Variants in H3C10 observed in about 807,000 individuals in gnomAD.
H3C10 encodes the protein H3 clustered histone 10, also known as histone H3.1.
H3C10 carries 8 observed loss-of-function variants against 6.8 expected under a neutral mutation model. The observed-to-expected ratio is 1.17, with a 90% CI of 0.69 to 2.12. H3C10 has a LOEUF of 2.12. Ranked by LOEUF, H3C10 falls within the 30% of genes most tolerant of loss-of-function variation. The pLI, the probability that H3C10 is intolerant of heterozygous loss-of-function variation, is 0.00. For missense variants in H3C10, 163 were observed against 195.3 expected (o/e 0.83, Z 0.98); for synonymous variants, 122 against 81.3 (o/e 1.50, Z -2.69).
chr6:27,810,506 C>T lies in H3C10; in HGVS notation c.*22C>T, dbSNP rs372706650. 4.4e-6 allele frequency: 7 copies of T among 1,607,268 alleles called. No individual in the cohort carries two copies. In the African/African-American group the frequency reaches 6.7e-5, roughly 15 times the overall value. On this transcript the variant is annotated 3_prime_UTR_variant, in exon 1 of 1. Coordinates refer to ENST00000685041, the MANE Select transcript of H3C10 (RefSeq NM_003536.3). ...TTGAGTCTCAAGGACTCACTGATTA[C>T]ATACCCAAAGGCTCTTTTCAGAGCC...
rs764631798 is a variant in H3C10 at position 27,810,170 on chromosome 6, A to T, written c.97A>T (p.Thr33Ser). 1.2e-6 allele frequency: 2 copies of T among 1,614,150 alleles called. No homozygotes were observed. Among genetic ancestry groups the T allele is most frequent in the South Asian group, 2.2e-5 (2 of 91,086 alleles). ...GGCGGCTCGGAAGAGCGCTCCGGCCACCGGCGGTGTCAAGAAGCCCCATCG... is the reference window on the plus strand; with the variant it reads ...GGCGGCTCGGAAGAGCGCTCCGGCCTCCGGCGGTGTCAAGAAGCCCCATCG... ...TKAARKSAPATGGVKKPHRYR... is the reference protein window; with the variant it reads ...TKAARKSAPASGGVKKPHRYR... Residue 33 changes from threonine to serine, a missense_variant, in exon 1 of 1, where the codon ACC becomes TCC. Physicochemically the swap from Thr to Ser is moderately conservative, Grantham distance 58. Coordinates refer to ENST00000685041, the MANE Select transcript of H3C10 (RefSeq NM_003536.3).
At position 27,810,164 on chromosome 6, in the gene H3C10, C is replaced by G. The variant is rs200796448; in HGVS notation, c.91C>G (p.Pro31Ala). Reference sequence around the variant, plus strand: ...CACCAAGGCGGCTCGGAAGAGCGCTCCGGCCACCGGCGGTGTCAAGAAGCC... The same window carrying G: ...CACCAAGGCGGCTCGGAAGAGCGCTGCGGCCACCGGCGGTGTCAAGAAGCC... The part of the protein sequence containing the change: ...LATKAARKSA[P>A]ATGGVKKPHR... Residue 31 changes from proline (P) to alanine (A), a missense_variant, in exon 1 of 1, where the codon CCG becomes GCG. Coordinates refer to ENST00000685041, the MANE Select transcript of H3C10 (RefSeq NM_003536.3). 12 of 1,614,010 alleles carry G rather than the reference C, an allele frequency of 7.4e-6. No homozygotes were observed. Among genetic ancestry groups the G allele is most frequent in the East Asian group, 6.7e-5 (3 of 44,898 alleles).
chr6:27,810,172 C>T lies in H3C10; in HGVS notation c.99C>T (p.Thr33=). The T allele has an allele frequency of 1.1e-5, 18 of 1,614,170 alleles. No homozygotes were observed. Among genetic ancestry groups the T allele is most frequent in the Non-Finnish European group, 1.4e-5 (17 of 1,180,034 alleles). Residue 33 remains threonine (T), a synonymous_variant, in exon 1 of 1, where the codon ACC becomes ACT. Transcript: ENST00000685041. The part of the protein sequence containing the change: ...TKAARKSAPA[T]GGVKKPHRYR... ...CGGCTCGGAAGAGCGCTCCGGCCAC[C>T]GGCGGTGTCAAGAAGCCCCATCGCT...
At position 27,810,520 on chromosome 6, in the gene H3C10, C is replaced by T. The variant is rs1485560050; in HGVS notation, c.*36C>T. 1 of 1,582,676 alleles carries T rather than the reference C, an allele frequency of 6.3e-7. No individual in the cohort carries two copies. The highest frequency in any genetic ancestry group is 1.9e-5 in the Admixed American group (1 of 53,958). On this transcript the variant is annotated 3_prime_UTR_variant, in exon 1 of 1. Coordinates refer to ENST00000685041, the MANE Select transcript of H3C10 (RefSeq NM_003536.3). The stretch of plus-strand genomic sequence containing the variant: ...CTCACTGATTACATACCCAAAGGCT[C>T]TTTTCAGAGCCACCCACATGCGCGC...
rs773261717 is a variant in H3C10, at chr6:27,810,143, A to T, written c.70A>T (p.Lys24Ter). Residue 24 changes from lysine (K) to a stop codon, truncating the protein, a stop_gained, in exon 1 of 1, where the codon AAG (lysine) becomes TAG (stop). Transcript: ENST00000685041. LOFTEE classifies it high-confidence loss of function. ...GGCTCCGCGCAAGCAGCTGGCCACC[A>T]AGGCGGCTCGGAAGAGCGCTCCGGC... ...GKAPRKQLAT[K>*]AARKSAPATG... 1.2e-6 allele frequency: 2 copies of T among 1,614,138 alleles called. No individual in the cohort carries two copies. The highest frequency in any genetic ancestry group is 1.1e-5 in the South Asian group (1 of 91,078).
Position 27,810,324 on chromosome 6 carries a change from G to T in H3C10, c.251G>T (p.Arg84Leu), listed in dbSNP as rs983737640. ...GCGCAGGACTTCAAGACCGACTTGCGCTTCCAGAGCTCCGCGGTGATGGCG... is the reference window on the plus strand; with the variant it reads ...GCGCAGGACTTCAAGACCGACTTGCTCTTCCAGAGCTCCGCGGTGATGGCG... ...EIAQDFKTDLRFQSSAVMALQ... is the reference protein window; with the variant it reads ...EIAQDFKTDLLFQSSAVMALQ... The change falls in exon 1 of 1, where the codon CGC becomes CTC. Residue 84 changes from arginine to leucine, a missense_variant. Physicochemically the swap from Arg to Leu is moderately radical, Grantham distance 102. Coordinates refer to ENST00000685041, the MANE Select transcript of H3C10 (RefSeq NM_003536.3). 2.5e-6 allele frequency: 4 copies of T among 1,614,120 alleles called. No individual in the cohort carries two copies. In the African/African-American group the frequency reaches 5.3e-5, roughly 22 times the overall value.
In H3C10 at chr6:27,810,443, G is replaced by A; in HGVS notation, c.370G>A (p.Asp124Asn). Reference protein sequence around the residue: ...HAKRVTIMPKDIQLARRIRGE... With the variant: ...HAKRVTIMPKNIQLARRIRGE... ...CAAGCGGGTGACTATCATGCCCAAG[G>A]ACATCCAGCTCGCACGTCGTATCCG... The change falls in exon 1 of 1, where the codon GAC becomes AAC. Residue 124 changes from aspartate to asparagine, a missense_variant. Physicochemically the swap from Asp to Asn is conservative, Grantham distance 23 (BLOSUM62 1). Coordinates refer to ENST00000685041, the MANE Select transcript of H3C10 (RefSeq NM_003536.3). The A allele has an allele frequency of 1.2e-6, 2 of 1,614,152 alleles. No homozygotes were observed. Among genetic ancestry groups the A allele is most frequent in the Non-Finnish European group, 1.7e-6 (2 of 1,180,024 alleles).
Position 27,810,482 on chromosome 6 carries a change from T to G in H3C10, c.409T>G (p.Ter137GlyextTer6). The G allele has an allele frequency of 1.2e-6, 2 of 1,613,770 alleles. No individual in the cohort carries two copies. Among genetic ancestry groups the G allele is most frequent in the Non-Finnish European group, 1.7e-6 (2 of 1,179,786 alleles). ...LARRIRGERA[*>G] Reference sequence around the variant, plus strand: ...ACGTCGTATCCGCGGCGAGAGGGCTTGAGTCTCAAGGACTCACTGATTACA... The same window carrying G: ...ACGTCGTATCCGCGGCGAGAGGGCTGGAGTCTCAAGGACTCACTGATTACA... The change falls in exon 1 of 1, where the codon TGA (stop) becomes GGA (glycine). Residue 137 changes from the stop codon to glycine, a stop_lost. Transcript: ENST00000685041.
rs545862307 is a variant in H3C10 at position 27,810,196 on chromosome 6, C to G, written c.123C>G (p.Arg41=). ...CCGGCGGTGTCAAGAAGCCCCATCG[C>G]TATCGGCCTGGTACAGTGGCTCTCC... The part of the protein sequence containing the change: ...PATGGVKKPH[R]YRPGTVALRE... Residue 41 remains arginine (R), a synonymous_variant, in exon 1 of 1, where the codon CGC becomes CGG. Transcript: ENST00000685041. The G allele has an allele frequency of 6.2e-7, 1 of 1,614,194 alleles. No homozygotes were observed. The highest frequency in any genetic ancestry group is 2.2e-5 in the East Asian group (1 of 44,882).
chr6:27,810,100 C>T lies in H3C10; in HGVS notation c.27C>T (p.Arg9=), dbSNP rs1340639279. The change falls in exon 1 of 1, where the codon CGC becomes CGT. Residue 9 remains arginine, a synonymous_variant. Coordinates refer to ENST00000685041, the MANE Select transcript of H3C10 (RefSeq NM_003536.3). The part of the protein sequence containing the change: MARTKQTA[R]KSTGGKAPRK... Reference sequence around the variant, plus strand: ...TGGCGCGTACGAAGCAGACTGCTCGCAAGTCCACCGGCGGCAAGGCTCCGC... The same window carrying T: ...TGGCGCGTACGAAGCAGACTGCTCGTAAGTCCACCGGCGGCAAGGCTCCGC... The T allele has an allele frequency of 6.2e-7, 1 of 1,613,976 alleles. No homozygotes were observed. Among genetic ancestry groups the T allele is most frequent in the Non-Finnish European group, 8.5e-7 (1 of 1,179,980 alleles).
At position 27,810,268 on chromosome 6, in the gene H3C10, G is replaced by T. The variant is rs1760534761; in HGVS notation, c.195G>T (p.Lys65Asn). The T allele has an allele frequency of 6.2e-7, 1 of 1,614,098 alleles. No homozygotes were observed. The highest frequency in any genetic ancestry group is 1.3e-5 in the African/African-American group (1 of 74,934). ...YQKSTELLIR[K>N]LPFQRLVREI... ...AGTCCACCGAGCTGCTGATCAGAAA[G>T]CTGCCTTTTCAGCGTCTGGTGCGTG... The change falls in exon 1 of 1, where the codon AAG (lysine) becomes AAT (asparagine). Residue 65 changes from lysine to asparagine, a missense_variant. Transcript: ENST00000685041.
Position 27,810,202 on chromosome 6 carries a change from G to C in H3C10, c.129G>C (p.Arg43=), listed in dbSNP as rs371416934. Residue 43 remains arginine (R), a synonymous_variant, in exon 1 of 1, where the codon CGG becomes CGC. Coordinates refer to ENST00000685041, the MANE Select transcript of H3C10 (RefSeq NM_003536.3). The part of the protein sequence containing the change: ...TGGVKKPHRY[R]PGTVALREIR... The stretch of plus-strand genomic sequence containing the variant: ...GTGTCAAGAAGCCCCATCGCTATCG[G>C]CCTGGTACAGTGGCTCTCCGCGAGA... 3.7e-5 allele frequency: 59 copies of C among 1,614,160 alleles called. No homozygotes were observed. The highest frequency in any genetic ancestry group is 5.0e-5 in the Non-Finnish European group (59 of 1,180,030).
At position 27,810,472 on chromosome 6, in the gene H3C10, C is replaced by T. The variant is rs1487410796; in HGVS notation, c.399C>T (p.Gly133=). 1.2e-6 allele frequency: 2 copies of T among 1,613,826 alleles called. No homozygotes were observed. The highest frequency in any genetic ancestry group is 1.3e-5 in the African/African-American group (1 of 74,894). ...KDIQLARRIR[G]ERA ...TCCAGCTCGCACGTCGTATCCGCGG[C>T]GAGAGGGCTTGAGTCTCAAGGACTC... is the stretch of plus-strand genomic sequence containing the variant. Residue 133 remains glycine (G), a synonymous_variant, in exon 1 of 1, where the codon GGC becomes GGT. Transcript: ENST00000685041.
Position 27,810,380 on chromosome 6 carries a change from G to A in H3C10, c.307G>A (p.Gly103Arg). The A allele has an allele frequency of 6.2e-7, 1 of 1,614,182 alleles. No homozygotes were observed. Among genetic ancestry groups the A allele is most frequent in the Non-Finnish European group, 8.5e-7 (1 of 1,180,038 alleles). The change falls in exon 1 of 1, where the codon GGG becomes AGG. Residue 103 changes from glycine to arginine, a missense_variant. Coordinates refer to ENST00000685041, the MANE Select transcript of H3C10 (RefSeq NM_003536.3). ...AGAGGCATGCGAGGCCTACCTGGTG[G>A]GGCTCTTTGAGGACACCAACCTGTG... ...LQEACEAYLVGLFEDTNLCAI... is the reference protein window; with the variant it reads ...LQEACEAYLVRLFEDTNLCAI...
chr6:27,810,057 A>G lies in H3C10; in HGVS notation c.-17A>G, dbSNP rs1417555516. Reference sequence around the variant, plus strand: ...CTAGCTTTCTCTTTCTCCTGAAGTGAATCTAGCTCTGAAGGCATGGCGCGT... The same window carrying G: ...CTAGCTTTCTCTTTCTCCTGAAGTGGATCTAGCTCTGAAGGCATGGCGCGT... On this transcript the variant is annotated 5_prime_UTR_variant, in exon 1 of 1. Coordinates refer to ENST00000685041, the MANE Select transcript of H3C10 (RefSeq NM_003536.3). 2 of 1,612,106 alleles carry G rather than the reference A, an allele frequency of 1.2e-6. No individual in the cohort carries two copies. Among genetic ancestry groups the G allele is most frequent in the Non-Finnish European group, 1.7e-6 (2 of 1,179,352 alleles).
At position 27,810,220 on chromosome 6, in the gene H3C10, C is replaced by T. The variant is rs1057414975; in HGVS notation, c.147C>T (p.Leu49=). The part of the protein sequence containing the change: ...PHRYRPGTVA[L]REIRRYQKST... ...GCTATCGGCCTGGTACAGTGGCTCT[C>T]CGCGAGATTCGCCGCTACCAGAAGT... Residue 49 remains leucine (L), a synonymous_variant, in exon 1 of 1, where the codon CTC becomes CTT. Transcript: ENST00000685041. 3.2e-5 allele frequency: 52 copies of T among 1,614,136 alleles called. No individual in the cohort carries two copies. The highest frequency in any genetic ancestry group is 4.4e-5 in the South Asian group (4 of 91,088).
Position 27,810,107 on chromosome 6 carries a change from A to C in H3C10, c.34A>C (p.Thr12Pro), listed in dbSNP as rs1581457896. The change falls in exon 1 of 1, where the codon ACC becomes CCC. Residue 12 changes from threonine (T) to proline (P), a missense_variant. Transcript: ENST00000685041. ...ARTKQTARKS[T>P]GGKAPRKQLA... ...TACGAAGCAGACTGCTCGCAAGTCC[A>C]CCGGCGGCAAGGCTCCGCGCAAGCA... 1.2e-6 allele frequency: 2 copies of C among 1,614,064 alleles called. No homozygotes were observed. The highest frequency in any genetic ancestry group is 1.7e-6 in the Non-Finnish European group (2 of 1,179,982).
rs983737640 is a variant in H3C10 at position 27,810,324 on chromosome 6, G to A, written c.251G>A (p.Arg84His). Residue 84 changes from arginine (R) to histidine (H), a missense_variant, in exon 1 of 1, where the codon CGC (arginine) becomes CAC (histidine). Arg to His is a conservative substitution (Grantham distance 29). Transcript: ENST00000685041. The stretch of plus-strand genomic sequence containing the variant: ...GCGCAGGACTTCAAGACCGACTTGC[G>A]CTTCCAGAGCTCCGCGGTGATGGCG... ...EIAQDFKTDL[R>H]FQSSAVMALQ... 1.2e-6 allele frequency: 2 copies of A among 1,614,238 alleles called. No individual in the cohort carries two copies. The highest frequency in any genetic ancestry group is 1.7e-6 in the Non-Finnish European group (2 of 1,180,038).
At position 27,810,053 on chromosome 6, in the gene H3C10, A is replaced by G; in HGVS notation, c.-21A>G. The G allele has an allele frequency of 1.9e-6, 3 of 1,611,420 alleles. No homozygotes were observed. Among genetic ancestry groups the G allele is most frequent in the South Asian group, 1.1e-5 (1 of 90,884 alleles). On this transcript the variant is annotated 5_prime_UTR_variant, in exon 1 of 1. Coordinates refer to ENST00000685041, the MANE Select transcript of H3C10 (RefSeq NM_003536.3). The stretch of plus-strand genomic sequence containing the variant: ...GCGGCTAGCTTTCTCTTTCTCCTGA[A>G]GTGAATCTAGCTCTGAAGGCATGGC...
Sources: allele counts gnomAD v4.1 joint callset, GRCh38; gene constraint gnomAD v4.1.1; transcripts MANE v1.5; gene names NCBI Gene and HGNC (gene_info 2026-07-23, HGNC 2026-07-21).